PBX1: variants seen among roughly 807,000 people sequenced by gnomAD.
PBX1 encodes the protein pre-B-cell leukemia transcription factor 1.
Under a neutral mutation model 53.4 loss-of-function variants are expected in PBX1, and 6 were observed. That is an observed-to-expected ratio of 0.11 (90% confidence interval 0.06 to 0.22). PBX1 has a LOEUF of 0.22. Ranked by LOEUF, PBX1 falls within the 10% of genes least tolerant of loss-of-function variation. The pLI, the probability that PBX1 is intolerant of heterozygous loss-of-function variation, is 1.00. For missense variants in PBX1, 251 were observed against 551.4 expected, an observed-to-expected ratio of 0.46 and a Z score of 5.46; for synonymous variants, 204 against 212.3, an observed-to-expected ratio of 0.96 and a Z score of 0.34.
At chr1:164,694,742 C>T (rs894178742) in intron 2 of PBX1, among the ~76,000 whole-genome samples, 7 of 152,180 alleles carry the variant, frequency 4.6e-5, no homozygotes, top group African/African-American at 1.2e-4. Context: ...AATCATTAGC[C>T]AATTTGTGTT....
chr1:164,872,303 CT>C (rs1196760783), intron 2 of PBX1, among the ~76,000 whole-genome samples: 4 of 152,186 alleles, frequency 2.6e-5, no homozygotes, highest in African/African-American at 9.7e-5. Context: ...GAGGCATCAT[CT>C]TTATATATTG....
intron 2 of PBX1, among the ~76,000 whole-genome samples, chr1:164,681,722 G>C (rs1661782537): frequency 6.6e-6 from 1 of 152,100 alleles, no homozygotes; most frequent in Admixed American, 6.5e-5. Flanking sequence ...CTACCTATGA[G>C]GTACTATGCT....
chr1:164,579,473 G>T (rs948294691), intron 2 of PBX1, among the ~76,000 whole-genome samples: 2 of 152,048 alleles, frequency 1.3e-5, no homozygotes, highest in African/African-American at 2.4e-5. Flanking sequence ...TCTCACTGTG[G>T]CCTGCCCAGT....
chr1:164,858,447 GCACACACA>G (rs4035257), intron 2 of PBX1, among the ~76,000 whole-genome samples: 85 of 148,526 alleles, frequency 5.7e-4, no homozygotes, highest in Middle Eastern at 3.5e-3. Flanking sequence ...CCCAGAGCCA[GCACACACA>G]CACACACACA....
chr1:164,701,986 T>A (rs1000963249), intron 2 of PBX1, among the ~76,000 whole-genome samples: 1 of 152,192 alleles, frequency 6.6e-6, no homozygotes, highest in Non-Finnish European at 1.5e-5. Flanking sequence ...GAAGGGGACA[T>A]GGAGAGAATA....
At chr1:164,817,474 C>T (rs1415670967) in intron 6 of PBX1, 1 of 152,188 alleles carries the variant, frequency 6.6e-6, no homozygotes, top group Non-Finnish European at 1.5e-5. Flanking sequence ...AGATACTTAT[C>T]AGAGAGTGAG....
intron 3 of PBX1, among the ~76,000 whole-genome samples, chr1:164,793,306 A>G (rs1001075524): frequency 6.6e-6 from 1 of 152,176 alleles, no homozygotes; most frequent in African/African-American, 2.4e-5. Flanking sequence ...ATGGTATGGA[A>G]TATGACACAA....
At chr1:164,680,367 G>A (rs1163851574) in intron 2 of PBX1, 3 of 152,282 alleles carry the variant, frequency 2.0e-5, no homozygotes, top group South Asian at 2.1e-4. Context: ...AGATTCATGA[G>A]GGATCTGATT....
intron 2 of PBX1, among the ~76,000 whole-genome samples, chr1:164,636,802 G>C (rs937417699): frequency 6.6e-6 from 1 of 152,142 alleles, no homozygotes; most frequent in African/African-American, 2.4e-5. Flanking sequence ...ATTCTAAACT[G>C]TGGTGGGGTT....
chr1:164,795,100 C>G lies in PBX1; in HGVS notation c.510+2362C>G, dbSNP rs377255849. 3.9e-5 allele frequency among the ~76,000 whole-genome samples: 6 copies of G among 152,276 alleles called. No individual in the cohort carries two copies. The East Asian group carries it at 7.7e-4, about 20-fold the overall frequency. On this transcript the variant is annotated intron_variant, in intron 3 of 8. Transcript: ENST00000420696. ...GGCTGACATAACGGCACTTGCTCCT[C>G]AAGGCAATTTTGAGATTGGGTACCC...
chr1:164,584,363 AAGAGAGAGAGAG>A (rs61298874), intron 2 of PBX1, among the ~76,000 whole-genome samples: 1 of 147,916 alleles, frequency 6.8e-6, no homozygotes, highest in South Asian at 2.2e-4. Context: ...GAGAGAGAGA[AAGAGAGAGAGAG>A]AGAGAGAGAT....
chr1:164,849,296 C>T lies in PBX1; in HGVS notation c.*2620C>T. On this transcript the variant is annotated 3_prime_UTR_variant, in exon 9 of 9. Transcript: ENST00000420696. ...TTTCACTGATGATCACCTTTCACAGCATTTTCCCCAACCAGCATTTCACTT... is the reference window on the plus strand; with the variant it reads ...TTTCACTGATGATCACCTTTCACAGTATTTTCCCCAACCAGCATTTCACTT... 6.5e-7 allele frequency: 1 copy of T among 1,534,688 alleles called. No homozygotes were observed. Among genetic ancestry groups the T allele is most frequent in the Non-Finnish European group, 8.7e-7 (1 of 1,146,192 alleles).
intron 2 of PBX1, among the ~76,000 whole-genome samples, chr1:164,662,646 A>C (rs1445214721): frequency 6.6e-6 from 1 of 152,064 alleles, no homozygotes; most frequent in Admixed American, 6.6e-5. Flanking sequence ...AGCTTTGAGC[A>C]TTCTGTGGAT....
At chr1:164,676,509 G>A (rs1380983299) in intron 2 of PBX1, among the ~76,000 whole-genome samples, 5 of 152,192 alleles carry the variant, frequency 3.3e-5, no homozygotes, top group African/African-American at 1.2e-4. Context: ...TGGTTGCTAA[G>A]GATAGGATAC....
At chr1:164,680,986 A>G (rs2800802) in intron 2 of PBX1, among the ~76,000 whole-genome samples, 137,428 of 152,220 alleles carry the variant, frequency 0.9, 62,162 homozygotes, top group East Asian at 0.99. Context: ...TTTCCTGGCC[A>G]GGAATGGTGG....
chr1:164,806,913 G>A (rs1196987682), intron 4 of PBX1, among the ~76,000 whole-genome samples: 3 of 152,088 alleles, frequency 2.0e-5, no homozygotes, highest in Non-Finnish European at 2.9e-5. Context: ...TCACTTTCAC[G>A]GAAGAAGCTG....
chr1:164,807,553 G>A lies in PBX1; in HGVS notation c.713G>A (p.Arg238Gln). The A allele has an allele frequency of 6.2e-7, 1 of 1,612,826 alleles. No individual in the cohort carries two copies. The highest frequency in any genetic ancestry group is 8.5e-7 in the Non-Finnish European group (1 of 1,179,368). ...TTCTCTTTACAAAGGCGGAAGAGAC[G>A]GAATTTCAACAAGCAAGCGACAGAA... ...SRFLDARRKR[R>Q]NFNKQATEIL... is the part of the protein sequence containing the mutation. Residue 238 changes from arginine to glutamine, a missense_variant, in exon 5 of 9, where the codon CGG (arginine) becomes CAG (glutamine). By Grantham distance (43) the Arg-to-Gln change is conservative (BLOSUM62 1). Around this residue, in one of 4 missense-constraint regions of PBX1, gnomAD observed 20 missense variants for 144.8 expected, o/e 0.14. Transcript: ENST00000420696.
At chr1:164,711,269 C>T (rs938803397) in intron 2 of PBX1, among the ~76,000 whole-genome samples, 3 of 152,076 alleles carry the variant, frequency 2.0e-5, no homozygotes, top group Non-Finnish European at 4.4e-5. Context: ...TCAGTCTTCT[C>T]TTTTCTTTTT....
chr1:164,566,094 C>T (rs1237314852), intron 2 of PBX1, among the ~76,000 whole-genome samples: 1 of 152,016 alleles, frequency 6.6e-6, no homozygotes, highest in Non-Finnish European at 1.5e-5. Context: ...AGTTGGAAGA[C>T]TTAGAAATAG....
Sources: gnomAD v4.1 joint callset for allele counts (sites outside exome capture counted in the v4.1 genomes callset) on GRCh38, gnomAD v4.1.1 for gene constraint, gnomAD v4.1.1 regional missense constraint, MANE v1.5 for transcripts, NCBI Gene and HGNC (gene_info 2026-07-23, HGNC 2026-07-21) for gene names.